The following JAKMIP3 variants were observed in gnomAD, a reference collection of about 807,000 sequenced individuals.
JAKMIP3 encodes the protein janus kinase and microtubule-interacting protein 3.
A neutral mutation model predicts 118.5 loss-of-function variants in JAKMIP3; 58 were observed. The ratio of observed to expected loss-of-function variants is 0.49; its 90% confidence interval spans 0.40 to 0.61. The LOEUF is 0.61. JAKMIP3 is among the 20% of genes least tolerant of loss of function. The pLI is 0.00. For missense variants in JAKMIP3, 950 were observed against 1,109.0 expected (o/e 0.86, Z 2.04); for synonymous variants, 486 against 451.2 (o/e 1.08, Z -0.98).
chr10:132,041,871 T>G lies in JAKMIP3; in HGVS notation c.-138+5133T>G, dbSNP rs1049559102. ...TTTCTTTCTTTTTTCTTTCTTTTCT[T>G]TTTTTTTTCTTTGAGAAAAAGTTTT... On this transcript the variant is annotated intron_variant, in intron 1 of 23. Coordinates refer to the JAKMIP3 transcript ENST00000657785. 2.0e-5 allele frequency among the ~76,000 whole-genome samples: 3 copies of G among 147,428 alleles called. No homozygotes were observed. The East Asian group carries it at 5.8e-4, about 29-fold the overall frequency.
intron 19 of JAKMIP3, among the ~76,000 whole-genome samples, chr10:132,159,023 C>G: frequency 5.3e-5 from 1 of 18,736 alleles, no homozygotes; most frequent in African/African-American, 2.2e-4. Context: ...CTGTGTGATG[C>G]TGGGGGGGGT....
chr10:132,180,636 T>TGCGC (rs1236998155), intron 23 of JAKMIP3, among the ~76,000 whole-genome samples: 1 of 16,040 alleles, frequency 6.2e-5, no homozygotes, highest in East Asian at 9.8e-3. Flanking sequence ...CGTGTGTGCG[T>TGCGC]GCGTGTGTGC....
At chr10:132,081,829 C>T (rs922330422) in intron 1 of JAKMIP3, among the ~76,000 whole-genome samples, 1 of 152,016 alleles carries the variant, frequency 6.6e-6, no homozygotes, top group Non-Finnish European at 1.5e-5. Flanking sequence ...AACCACACGT[C>T]GCTTCCCTAC....
intron 23 of JAKMIP3, among the ~76,000 whole-genome samples, chr10:132,175,354 C>T (rs1353446583): frequency 2.0e-5 from 3 of 152,180 alleles, no homozygotes; most frequent in African/African-American, 7.2e-5. Flanking sequence ...TTGTCTCCTT[C>T]CACCCCATGG....
At chr10:132,069,516 G>A (rs2039480134) in intron 1 of JAKMIP3, among the ~76,000 whole-genome samples, 1 of 152,138 alleles carries the variant, frequency 6.6e-6, no homozygotes. Flanking sequence ...CCGATGGGGA[G>A]GAGTTAGGAC....
At chr10:132,121,671 T>C (rs1306583304) in intron 3 of JAKMIP3, among the ~76,000 whole-genome samples, 3 of 152,144 alleles carry the variant, frequency 2.0e-5, no homozygotes, top group African/African-American at 7.2e-5. Flanking sequence ...TATCTGAGTC[T>C]GGGGACGGGC....
rs555455531 is a variant in JAKMIP3 at position 132,117,769 on chromosome 10, G to A, written c.633+195G>A. Among the ~76,000 whole-genome samples the A allele has an allele frequency of 5.9e-5, 9 of 152,104 alleles. No individual in the cohort carries two copies. Among genetic ancestry groups the A allele is most frequent in the Non-Finnish European group, 1.0e-4 (7 of 68,012 alleles). ...TTGGTTTTGAGGACCCTAGAGTCAC[G>A]AGACCACTAGAAAAGGTTCAGACCC... On this transcript the variant is annotated intron_variant, in intron 3 of 23. Coordinates refer to ENST00000684848, the MANE Select transcript of JAKMIP3 (RefSeq NM_001323087.2). This position sits in a 1 kb window ranked among gnomAD's most constrained non-coding sequence, Gnocchi z 8.6.
At chr10:132,105,665 G>C (rs889381333) in intron 2 of JAKMIP3, among the ~76,000 whole-genome samples, 13 of 152,200 alleles carry the variant, frequency 8.5e-5, no homozygotes, top group African/African-American at 3.1e-4. Flanking sequence ...TCCATCTCCT[G>C]GTCCCCAGGA....
At position 132,179,868 on chromosome 10, in the gene JAKMIP3, C is replaced by A. The variant is rs2060556840; in HGVS notation, c.*1104-2489C>A. 6.6e-6 allele frequency among the ~76,000 whole-genome samples: 1 copy of A among 152,208 alleles called. No individual in the cohort carries two copies. Among genetic ancestry groups the A allele is most frequent in the Non-Finnish European group, 1.5e-5 (1 of 68,038 alleles). ...AGTTCACAGGCACAGCCTGGAGAGG[C>A]CTGTGAGCAGACTTCCTGTGCTCTC... On this transcript the variant is annotated intron_variant, in intron 23 of 23. Transcript: ENST00000684848. The surrounding 1 kb of genome is among the most constrained non-coding windows in gnomAD (Gnocchi z 4.3).
In JAKMIP3 at chr10:132,068,127, G is replaced by T. The variant is rs970254386; in HGVS notation, c.-138+2066G>T. Among the ~76,000 whole-genome samples the T allele has an allele frequency of 2.1e-5, 3 of 140,770 alleles. No homozygotes were observed. The East Asian group carries it at 6.6e-4, about 31-fold the overall frequency. 92.4% of individuals were successfully genotyped at this position (140,770 alleles called of 152,430 possible). On this transcript the variant is annotated intron_variant, in intron 1 of 23. Coordinates refer to ENST00000684848, the MANE Select transcript of JAKMIP3 (RefSeq NM_001323087.2). ...TGTGTGGTCTGGACTGTGGGCTTCC[G>T]TGTGGACTGGACTGTGGGTTTCTGT... is the stretch of plus-strand genomic sequence containing the variant.
At chr10:132,091,375 G>C (rs2043067139) in intron 1 of JAKMIP3, among the ~76,000 whole-genome samples, 1 of 152,064 alleles carries the variant, frequency 6.6e-6, no homozygotes, top group Non-Finnish European at 1.5e-5. Context: ...TGTTGACAGT[G>C]GGGTGTCAAC....
At chr10:132,110,232 G>A (rs950019788) in intron 2 of JAKMIP3, among the ~76,000 whole-genome samples, 3 of 152,248 alleles carry the variant, frequency 2.0e-5, no homozygotes, top group Non-Finnish European at 2.9e-5. Flanking sequence ...CCGTGCTCTG[G>A]AAGCTCCCAC....
chr10:132,180,878 T>C (rs567360747), intron 23 of JAKMIP3, among the ~76,000 whole-genome samples: 2 of 152,116 alleles, frequency 1.3e-5, no homozygotes, highest in East Asian at 3.9e-4. Context: ...TCTTTGGGCA[T>C]GTGCATGTAT....
intron 12 of JAKMIP3, 82 bp from the exon 13 acceptor site, chr10:132,145,426 CTGGTCTTTGG>C: frequency 2.4e-6 from 3 of 1,252,774 alleles, no homozygotes. Flanking sequence ...GCTGGCCAGA[CTGGTCTTTGG>C]TGTTCTGCCA....
chr10:132,157,808 A>G (rs372057524), intron 19 of JAKMIP3, among the ~76,000 whole-genome samples: 5 of 152,076 alleles, frequency 3.3e-5, no homozygotes, highest in African/African-American at 1.2e-4. Context: ...CTTAGTCAGA[A>G]GAATGGGACA....
At chr10:132,077,528 G>A (rs528519560) in intron 1 of JAKMIP3, among the ~76,000 whole-genome samples, 13 of 152,332 alleles carry the variant, frequency 8.5e-5, no homozygotes, top group South Asian at 2.1e-4. Context: ...TCAGCCCCTC[G>A]GGGGCCTGGA....
In JAKMIP3 at chr10:132,066,068, G is replaced by GTTTA. The variant is rs1452356383; in HGVS notation, c.-138+11_-138+14dup. ...AGACAGCGAGCTTTGGAATGTGAGT[G>GTTTA]TTTATTTTCTGACTGCTGCAGAGGC... On this transcript the variant is annotated splice_region_variant and intron_variant, in intron 1 of 23. Coordinates refer to ENST00000684848, the MANE Select transcript of JAKMIP3 (RefSeq NM_001323087.2). Among the ~76,000 whole-genome samples the GTTTA allele has an allele frequency of 1.3e-5, 2 of 152,188 alleles. No homozygotes were observed. The highest frequency in any genetic ancestry group is 2.9e-5 in the Non-Finnish European group (2 of 68,040).
At chr10:132,124,846 C>T (rs2049210485) in intron 3 of JAKMIP3, among the ~76,000 whole-genome samples, 1 of 151,376 alleles carries the variant, frequency 6.6e-6, no homozygotes, top group Non-Finnish European at 1.5e-5. Flanking sequence ...GCAGAGCCCC[C>T]TCTCGTTCTA....
chr10:132,096,088 T>C (rs1389572962), intron 1 of JAKMIP3, among the ~76,000 whole-genome samples: 1 of 152,238 alleles, frequency 6.6e-6, no homozygotes, highest in Non-Finnish European at 1.5e-5. Context: ...CTGGGGGATC[T>C]GGCCAGGTGA....
Sources: gnomAD v4.1 joint callset for allele counts (sites outside exome capture counted in the v4.1 genomes callset) on GRCh38, gnomAD v4.1.1 for gene constraint, Gnocchi (gnomAD v3.1) non-coding constraint, MANE v1.5 for transcripts, NCBI Gene and HGNC (gene_info 2026-07-23, HGNC 2026-07-21) for gene names.